PHLPP2: variants seen among roughly 807,000 people sequenced by gnomAD.
PHLPP2 encodes PH domain leucine-rich repeat-containing protein phosphatase 2.
PHLPP2 carries 66 observed loss-of-function variants against 124.9 expected under a neutral mutation model. That is an observed-to-expected ratio of 0.53 (90% CI 0.43 to 0.65). The LOEUF (loss-of-function observed/expected upper bound fraction) is 0.65, where lower values mean the gene tolerates loss of function less well. PHLPP2 is among the 30% of genes least tolerant of loss of function. The pLI is 0.00. For missense variants in PHLPP2, 1,685 were observed against 1,600.4 expected (o/e 1.05, Z -0.90); for synonymous variants, 681 against 624.7 (o/e 1.09, Z -1.34).
intron 2 of PHLPP2, among the ~76,000 whole-genome samples, chr16:71,712,584 A>C (rs2045331086): frequency 6.6e-6 from 1 of 152,226 alleles, no homozygotes; most frequent in African/African-American, 2.4e-5. Context: ...ATTAGATCAG[A>C]ATCAGTGTTA....
chr16:71,690,430 G>C (rs888523137), intron 4 of PHLPP2, 89 bp downstream of exon 4: 7 of 924,674 alleles, frequency 7.6e-6, no homozygotes, highest in Admixed American at 4.5e-5. Flanking sequence ...TCTTTGAAAA[G>C]ATATGACTAA....
rs776304023 is a variant in PHLPP2 at position 71,649,414 on chromosome 16, C to T, written c.3448G>A (p.Asp1150Asn). Residue 1150 changes from aspartate to asparagine, a missense_variant, in exon 19 of 19, where the codon GAT becomes AAT. By Grantham distance (23) the Asp-to-Asn change is conservative. Coordinates refer to ENST00000568954, the MANE Select transcript of PHLPP2 (RefSeq NM_015020.3). ...ACCCCCTCAACGGGCTGGTCATCATCACTGTCCAGGCCGTTGTCAGACTGG... is the reference window on the plus strand; with the variant it reads ...ACCCCCTCAACGGGCTGGTCATCATTACTGTCCAGGCCGTTGTCAGACTGG... ...SNQSDNGLDS[D>N]DDQPVEGVIT... 6.2e-7 allele frequency: 1 copy of T among 1,613,988 alleles called. No homozygotes were observed. The highest frequency in any genetic ancestry group is 2.2e-5 in the East Asian group (1 of 44,888).
rs370463286 is a variant in PHLPP2, at chr16:71,655,228, C to G, written c.2585+12G>C. ...AGAACTGAGTTAGGGATTTTTCAAC[C>G]CACCTGCTTACCTGTGAGATACCAA... is the stretch of plus-strand genomic sequence containing the variant. On this transcript the variant is annotated intron_variant, in intron 17 of 18. Transcript: ENST00000568954. The G allele has an allele frequency of 1.7e-5, 27 of 1,585,616 alleles. No homozygotes were observed. The highest frequency in any genetic ancestry group is 1.7e-4 in the Middle Eastern group (1 of 5,974).
At chr16:71,686,119 A>G (rs143488037) in intron 4 of PHLPP2, among the ~76,000 whole-genome samples, 1 of 152,194 alleles carries the variant, frequency 6.6e-6, no homozygotes, top group Admixed American at 6.5e-5. Flanking sequence ...CACACACACA[A>G]AAAAGTCCTT....
intron 9 of PHLPP2, among the ~76,000 whole-genome samples, chr16:71,674,052 C>T (rs1319657692): frequency 1.3e-5 from 2 of 151,738 alleles, no homozygotes; most frequent in Non-Finnish European, 2.9e-5. Flanking sequence ...TTTAACAAAC[C>T]TACATTCTGC....
At chr16:71,663,481 C>T (rs753436862) in intron 13 of PHLPP2, among the ~76,000 whole-genome samples, 16 of 152,210 alleles carry the variant, frequency 1.1e-4, no homozygotes, top group Non-Finnish European at 2.1e-4. Context: ...TTTGACTATA[C>T]ATTCCTAGAG....
chr16:71,657,376 C>A (rs2044750918), intron 15 of PHLPP2, among the ~76,000 whole-genome samples: 1 of 149,636 alleles, frequency 6.7e-6, no homozygotes, highest in Non-Finnish European at 1.5e-5. Flanking sequence ...CCACGCCCGG[C>A]CAACAATAAT....
intron 12 of PHLPP2, among the ~76,000 whole-genome samples, chr16:71,664,493 A>G (rs1596993404): frequency 6.6e-6 from 1 of 152,232 alleles, no homozygotes; most frequent in Non-Finnish European, 1.5e-5. Context: ...TCACGCCTAT[A>G]ATCCCAGCAC....
intron 3 of PHLPP2, among the ~76,000 whole-genome samples, chr16:71,701,302 ATC>A (rs1437085282): frequency 1.1e-4 from 10 of 91,356 alleles, no homozygotes; most frequent in Non-Finnish European, 1.7e-4. Context: ...CTATCTATCT[ATC>A]TATCTATCTA....
intron 4 of PHLPP2, among the ~76,000 whole-genome samples, chr16:71,686,752 T>C (rs1397042407): frequency 6.6e-6 from 1 of 152,152 alleles, no homozygotes; most frequent in Non-Finnish European, 1.5e-5. Flanking sequence ...TCCTTGTTCT[T>C]GTATCAGCAG....
Position 71,653,972 on chromosome 16 carries a change from G to C in PHLPP2, c.2586-951C>G, listed in dbSNP as rs544846806. ...GCACTTTGGGAGGCCGAGGTGGGCA[G>C]ATCACGAGGTCAGGAGATCGAGACC... On this transcript the variant is annotated intron_variant, in intron 17 of 18. Coordinates refer to ENST00000568954, the MANE Select transcript of PHLPP2 (RefSeq NM_015020.3). 1.6e-3 allele frequency among the ~76,000 whole-genome samples: 236 copies of C among 151,940 alleles called. 1 individual carries two copies. The highest frequency in any genetic ancestry group is 6.9e-3 in the South Asian group (33 of 4,802).
chr16:71,679,164 G>A (rs968151346), intron 7 of PHLPP2, among the ~76,000 whole-genome samples, 179 bp from the exon 8 acceptor site: 1 of 152,142 alleles, frequency 6.6e-6, no homozygotes, highest in Admixed American at 6.5e-5. Flanking sequence ...TAAACAAATG[G>A]TCCCTCCAAC....
intron 3 of PHLPP2, chr16:71,698,691 A>ACTGT (rs1193119852): frequency 6.5e-6 from 3 of 462,040 alleles, no homozygotes; most frequent in African/African-American, 5.9e-5. Flanking sequence ...AGTTGGCTTA[A>ACTGT]CTGTCTGCAG....
intron 3 of PHLPP2, among the ~76,000 whole-genome samples, chr16:71,691,712 C>T (rs529191731): frequency 2.0e-5 from 3 of 152,064 alleles, no homozygotes; most frequent in Non-Finnish European, 2.9e-5. Context: ...ATTCCGATCA[C>T]GGTGGTGGAA....
chr16:71,719,861 G>A (rs186766902), intron 1 of PHLPP2, among the ~76,000 whole-genome samples: 2 of 151,638 alleles, frequency 1.3e-5, no homozygotes, highest in Admixed American at 6.6e-5. Flanking sequence ...GCCGTGGCAC[G>A]ATCTCGGCTC....
chr16:71,648,935 T>C lies in PHLPP2; in HGVS notation c.3927A>G (p.Glu1309=). The C allele has an allele frequency of 7.4e-6, 12 of 1,613,478 alleles. No individual in the cohort carries two copies. The highest frequency in any genetic ancestry group is 1.0e-5 in the Non-Finnish European group (12 of 1,180,026). Residue 1309 remains glutamate (E), a synonymous_variant, in exon 19 of 19, where the codon GAA becomes GAG. Coordinates refer to ENST00000568954, the MANE Select transcript of PHLPP2 (RefSeq NM_015020.3). ...QDSRLEPEPH[E]EDRTEPPEEF... ...CCTCCGGGGGCTCGGTCCGATCCTCTTCATGGGGCTCAGGCTCGAGCCGGC... is the reference window on the plus strand; with the variant it reads ...CCTCCGGGGGCTCGGTCCGATCCTCCTCATGGGGCTCAGGCTCGAGCCGGC...
intron 3 of PHLPP2, among the ~76,000 whole-genome samples, chr16:71,700,280 G>A (rs73580210): frequency 5.9e-4 from 90 of 151,954 alleles, no homozygotes; most frequent in African/African-American, 2.1e-3. Context: ...TGGTGCGCAC[G>A]TGTAGTTCCA....
chr16:71,705,568 G>T (rs546190362), intron 2 of PHLPP2, among the ~76,000 whole-genome samples: 1 of 152,100 alleles, frequency 6.6e-6, no homozygotes, highest in East Asian at 1.9e-4. Flanking sequence ...CTGGAGTGCA[G>T]TGGTGCGATC....
chr16:71,649,952 G>GGAA lies in PHLPP2; in HGVS notation c.2907_2909dup (p.Ser970dup), dbSNP rs763310095. 1 of 1,614,006 alleles carries GGAA rather than the reference G, an allele frequency of 6.2e-7. No individual in the cohort carries two copies. Among genetic ancestry groups the GGAA allele is most frequent in the African/African-American group, 1.3e-5 (1 of 74,918 alleles). ...ACTCATCTTGAATGGTCAGCGGAGT[G>GGAA]GAAGATATGTGGGGCTTGGGGAGGA... On this transcript the variant is annotated inframe_insertion, in exon 19 of 19. Transcript: ENST00000568954.
Sources: gnomAD v4.1 joint callset for allele counts (sites outside exome capture counted in the v4.1 genomes callset) on GRCh38, gnomAD v4.1.1 for gene constraint, MANE v1.5 for transcripts, NCBI Gene and HGNC (gene_info 2026-07-23, HGNC 2026-07-21) for gene names.